GPC6: variants seen among roughly 807,000 people sequenced by gnomAD.
The protein encoded by GPC6 is glypican 6.
A neutral mutation model predicts 55.2 loss-of-function variants in GPC6; 14 were observed. The observed-to-expected ratio is 0.25, with a 90% CI of 0.17 to 0.40. The LOEUF is 0.40. Among genes scored for constraint, GPC6 ranks in the 10% least tolerant of loss-of-function variants. GPC6 has a pLI of 1.00. For synonymous variants in GPC6, 278 were observed against 259.6 expected, an observed-to-expected ratio of 1.07 and a Z score of -0.68; for missense variants, 641 against 708.5, an observed-to-expected ratio of 0.90 and a Z score of 1.08.
At chr13:93,693,261 A>G (rs1319415908) in intron 2 of GPC6, among the ~76,000 whole-genome samples, 1 of 152,062 alleles carries the variant, frequency 6.6e-6, no homozygotes, top group Non-Finnish European at 1.5e-5. Flanking sequence ...CATAAATAAC[A>G]ATCAAGGTAA....
intron 1 of GPC6, among the ~76,000 whole-genome samples, chr13:93,498,682 C>G (rs1880401775): frequency 6.6e-6 from 1 of 152,180 alleles, no homozygotes; most frequent in South Asian, 2.1e-4. Flanking sequence ...GCCTCCCCAG[C>G]CACGTGGAAC....
At chr13:93,989,347 C>A (rs1166598054) in intron 3 of GPC6, among the ~76,000 whole-genome samples, 3 of 152,156 alleles carry the variant, frequency 2.0e-5, no homozygotes, top group Non-Finnish European at 4.4e-5. Context: ...TATACTGAAT[C>A]TGATACAGGG....
At chr13:93,373,896 T>C (rs558283549) in intron 1 of GPC6, among the ~76,000 whole-genome samples, 1 of 152,322 alleles carries the variant, frequency 6.6e-6, no homozygotes, top group South Asian at 2.1e-4. Context: ...TGCAAATTAT[T>C]TTTAGCAGAT....
At position 93,888,780 on chromosome 13, in the gene GPC6, A is replaced by G. The variant is rs148606474; in HGVS notation, c.711+58235A>G. On this transcript the variant is annotated intron_variant, in intron 3 of 8. Transcript: ENST00000377047. ...ATTAGAGTAAATTACTCCTGATGGA[A>G]TAAGCATTCTGCAAAAGCAGGAAAG... 9.8e-4 allele frequency among the ~76,000 whole-genome samples: 149 copies of G among 152,294 alleles called. 1 individual carries two copies. The East Asian group carries it at 0.024, about 24-fold the overall frequency.
intron 4 of GPC6, among the ~76,000 whole-genome samples, chr13:94,224,263 A>G (rs1220873546): frequency 2.1e-3 from 79 of 37,304 alleles, no homozygotes; most frequent in African/African-American, 8.4e-3. Context: ...TTAAATATAT[A>G]TATATATATA....
At chr13:93,842,311 C>T (rs1022650947) in intron 3 of GPC6, among the ~76,000 whole-genome samples, 4 of 152,042 alleles carry the variant, frequency 2.6e-5, no homozygotes, top group East Asian at 1.9e-4. Context: ...ACAAACCTTA[C>T]GATATTCTGC....
At chr13:93,364,690 TATATATACACACACAC>T (rs1424293707) in intron 1 of GPC6, among the ~76,000 whole-genome samples, 2,464 of 146,672 alleles carry the variant, frequency 0.017, 58 homozygotes, top group African/African-American at 0.055. Flanking sequence ...TGTGTGTATA[TATATATACACACACAC>T]ATATATATAC....
intron 1 of GPC6, among the ~76,000 whole-genome samples, chr13:93,537,504 T>C (rs888112928): frequency 6.6e-6 from 1 of 152,130 alleles, no homozygotes; most frequent in East Asian, 1.9e-4. Flanking sequence ...TTGATTATTT[T>C]GAAGAAACCT....
chr13:93,484,219 C>T (rs925261573), intron 1 of GPC6, among the ~76,000 whole-genome samples: 3 of 152,094 alleles, frequency 2.0e-5, no homozygotes, highest in African/African-American at 7.2e-5. Context: ...TTTACATTAT[C>T]ATCCTTGTTT....
chr13:94,253,520 A>G (rs1386937292), intron 4 of GPC6, among the ~76,000 whole-genome samples: 1 of 152,146 alleles, frequency 6.6e-6, no homozygotes, highest in African/African-American at 2.4e-5. Flanking sequence ...CCATGAGTTG[A>G]GAAAATAACA....
At chr13:93,290,890 A>C (rs1043174416) in intron 1 of GPC6, among the ~76,000 whole-genome samples, 1 of 152,168 alleles carries the variant, frequency 6.6e-6, no homozygotes, top group Non-Finnish European at 1.5e-5. Context: ...AAAAACAGCC[A>C]TTATGTTAAA....
intron 1 of GPC6, among the ~76,000 whole-genome samples, chr13:93,364,240 A>T (rs1327370678): frequency 6.6e-6 from 1 of 152,132 alleles, no homozygotes; most frequent in Non-Finnish European, 1.5e-5. Context: ...TATAAGCAAT[A>T]AAATTGTCAA....
chr13:93,737,306 T>C (rs1226256364), intron 2 of GPC6, among the ~76,000 whole-genome samples: 1 of 152,188 alleles, frequency 6.6e-6, no homozygotes, highest in East Asian at 1.9e-4. Context: ...AGAAGCCATA[T>C]TACTCATTTA....
At chr13:93,797,967 A>T (rs1018178333) in intron 2 of GPC6, among the ~76,000 whole-genome samples, 1 of 152,154 alleles carries the variant, frequency 6.6e-6, no homozygotes, top group Non-Finnish European at 1.5e-5. Flanking sequence ...TCAGGTAAGG[A>T]GGAGAGTGAG....
intron 1 of GPC6, among the ~76,000 whole-genome samples, chr13:93,444,715 C>G (rs980128543): frequency 3.3e-5 from 5 of 152,220 alleles, no homozygotes; most frequent in African/African-American, 1.2e-4. Flanking sequence ...AGGACACAAA[C>G]TCTCATAAAA....
At chr13:94,398,193 C>T (rs58544306) in intron 7 of GPC6, among the ~76,000 whole-genome samples, 3 of 150,738 alleles carry the variant, frequency 2.0e-5, no homozygotes, top group Admixed American at 6.6e-5. Flanking sequence ...TCCCCAATTT[C>T]GCATTTATCT....
At chr13:93,258,268 A>G (rs1877022624) in intron 1 of GPC6, among the ~76,000 whole-genome samples, 1 of 152,124 alleles carries the variant, frequency 6.6e-6, no homozygotes, top group Non-Finnish European at 1.5e-5. Context: ...TGCTTTGGCT[A>G]CTTGTAACAC....
At chr13:93,817,240 A>G (rs899565148) in intron 2 of GPC6, among the ~76,000 whole-genome samples, 13 of 152,252 alleles carry the variant, frequency 8.5e-5, no homozygotes, top group African/African-American at 2.4e-4. Context: ...ATCAGTTAAT[A>G]TAAGAATCCC....
At chr13:93,567,786 G>A (rs1178373794) in intron 2 of GPC6, among the ~76,000 whole-genome samples, 1 of 152,100 alleles carries the variant, frequency 6.6e-6, no homozygotes, top group African/African-American at 2.4e-5. Flanking sequence ...TGTCATCTTA[G>A]ATTGGTCAAC....
Sources: gnomAD v4.1 joint callset for allele counts (sites outside exome capture counted in the v4.1 genomes callset) on GRCh38, gnomAD v4.1.1 for gene constraint, MANE v1.5 for transcripts, NCBI Gene and HGNC (gene_info 2026-07-23, HGNC 2026-07-21) for gene names.